Variants in COX10 observed in about 807,000 individuals in gnomAD.
The protein encoded by COX10 is protoheme IX farnesyltransferase, mitochondrial.
A neutral mutation model predicts 37.3 loss-of-function variants in COX10; 27 were observed. That is an observed-to-expected ratio of 0.72 (90% CI 0.53 to 1.00). The LOEUF (loss-of-function observed/expected upper bound fraction) is 1.00. COX10 is among the 50% of genes least tolerant of loss of function. The probability of loss-of-function intolerance (pLI) is 0.00; values close to 1 mark genes in which losing one functional copy is unlikely to be tolerated. For missense variants in COX10, 475 were observed against 563.2 expected, an observed-to-expected ratio of 0.84 and a Z score of 1.59; for synonymous variants, 222 against 229.1, an observed-to-expected ratio of 0.97 and a Z score of 0.28.
chr17:14,193,410 T>A (rs1906271786), intron 6 of COX10, among the ~76,000 whole-genome samples: 1 of 151,556 alleles, frequency 6.6e-6, no homozygotes, highest in African/African-American at 2.4e-5. Context: ...ATTTGGGATC[T>A]GTATGCTGTT....
At chr17:14,190,158 G>A (rs1906156493) in intron 5 of COX10, among the ~76,000 whole-genome samples, 1 of 152,188 alleles carries the variant, frequency 6.6e-6, no homozygotes, top group Admixed American at 6.5e-5. Context: ...TGAGAAGGCA[G>A]GAGAAGAGTT....
chr17:14,096,674 AATT>A (rs951707031), intron 3 of COX10, among the ~76,000 whole-genome samples: 4 of 152,010 alleles, frequency 2.6e-5, no homozygotes, highest in Non-Finnish European at 4.4e-5. Flanking sequence ...CTGGCAAAAA[AATT>A]TTTTTGTTTT....
In COX10 at chr17:14,170,014, A is replaced by G. The variant is rs150927598; in HGVS notation, c.695+10067A>G. ...GGTTGTCTTAAAGCAGGATGGCCTCAGGTTTTCCCATTTGTACATGTCTGC... is the reference window on the plus strand; with the variant it reads ...GGTTGTCTTAAAGCAGGATGGCCTCGGGTTTTCCCATTTGTACATGTCTGC... On this transcript the variant is annotated intron_variant, in intron 5 of 6. Coordinates refer to ENST00000261643, the MANE Select transcript of COX10 (RefSeq NM_001303.4). Among the ~76,000 whole-genome samples the G allele has an allele frequency of 7.3e-4, 111 of 152,308 alleles. 1 individual carries two copies. The East Asian group carries it at 0.02, about 28-fold the overall frequency.
At chr17:14,152,538 G>A (rs1226558799) in intron 4 of COX10, among the ~76,000 whole-genome samples, 4 of 152,298 alleles carry the variant, frequency 2.6e-5, no homozygotes, top group Middle Eastern at 3.4e-3. Context: ...ATATCAGGCT[G>A]ATGTAGGGGT....
At chr17:14,195,772 G>A (rs1906350561) in intron 6 of COX10, among the ~76,000 whole-genome samples, 1 of 152,132 alleles carries the variant, frequency 6.6e-6, no homozygotes, top group African/African-American at 2.4e-5. Context: ...GGCTGGGGTG[G>A]GGTCTGAGAA....
intron 3 of COX10, among the ~76,000 whole-genome samples, chr17:14,090,696 C>G (rs1167293253): frequency 6.6e-6 from 1 of 152,132 alleles, no homozygotes; most frequent in African/African-American, 2.4e-5. Context: ...CAGGTTAACT[C>G]CTTTTTATCC....
intron 4 of COX10, among the ~76,000 whole-genome samples, chr17:14,152,212 G>A (rs950396348): frequency 6.6e-6 from 1 of 152,148 alleles, no homozygotes; most frequent in African/African-American, 2.4e-5. Flanking sequence ...CATAACCCGC[G>A]ATTGGGCAAT....
chr17:14,082,181 G>A (rs979466728), intron 3 of COX10, among the ~76,000 whole-genome samples: 4 of 152,140 alleles, frequency 2.6e-5, no homozygotes, highest in African/African-American at 9.7e-5. Flanking sequence ...TTAAGGATTG[G>A]GTAAGGTATA....
rs1280662078 is a variant in COX10, at chr17:14,208,451, A to G, written c.*1238A>G. 6.6e-6 allele frequency: 1 copy of G among 152,208 alleles called. No individual in the cohort carries two copies. Among genetic ancestry groups the G allele is most frequent in the African/African-American group, 2.4e-5 (1 of 41,460 alleles). The allele number at this position is 152,208 out of a possible 1,614,324, so 9.4% of individuals were successfully genotyped here. ...GGTCGGGGTGGGAGAGTTAAACAAC[A>G]TTTAAACAGAGTTCTCTCAAAAATG... On this transcript the variant is annotated 3_prime_UTR_variant, in exon 7 of 7. Coordinates refer to ENST00000261643, the MANE Select transcript of COX10 (RefSeq NM_001303.4).
chr17:14,156,702 C>G (rs952577268), intron 4 of COX10, among the ~76,000 whole-genome samples: 12 of 152,206 alleles, frequency 7.9e-5, no homozygotes, highest in Non-Finnish European at 1.5e-5. Context: ...ATGCCCTTAA[C>G]CATCTAGCCC....
intron 5 of COX10, chr17:14,182,388 C>T (rs1905895232): frequency 1.1e-6 from 1 of 876,370 alleles, no homozygotes; most frequent in Non-Finnish European, 1.4e-6. Flanking sequence ...ATATTCTTCG[C>T]ATTTCTTTTA....
intron 5 of COX10, among the ~76,000 whole-genome samples, chr17:14,165,930 G>A (rs989118651): frequency 1.3e-5 from 2 of 152,204 alleles, no homozygotes; most frequent in Non-Finnish European, 2.9e-5. Context: ...TCCAAAGCAA[G>A]GCCCTAACTC....
rs2108683 is a variant in COX10 at position 14,102,069 on chromosome 17, T to C, written c.500-49T>C. 0.86 allele frequency: 1,381,566 copies of C among 1,612,564 alleles called. 592,993 individuals carry two copies. Among genetic ancestry groups the C allele is most frequent in the Admixed American group, 0.89 (53,217 of 59,956 alleles). On this transcript the variant is annotated intron_variant, in intron 3 of 6. Transcript: ENST00000261643. ...TTTTTTGTCGTTCTGGCCTTTACAG[T>C]TGGGACTCCTGTTGGTAACAGTGTG... is the stretch of plus-strand genomic sequence containing the variant.
intron 4 of COX10, among the ~76,000 whole-genome samples, chr17:14,139,492 T>G (rs1904477881): frequency 6.6e-6 from 1 of 152,126 alleles, no homozygotes; most frequent in Admixed American, 6.6e-5. Context: ...CTGACAAAAA[T>G]AAAGGTTTTA....
intron 4 of COX10, among the ~76,000 whole-genome samples, chr17:14,130,323 G>T (rs1916435696): frequency 6.6e-6 from 1 of 152,098 alleles, no homozygotes; most frequent in Non-Finnish European, 1.5e-5. Flanking sequence ...GTCTATCAAT[G>T]ATTACAAGAT....
chr17:14,144,829 A>G (rs1904661773), intron 4 of COX10, among the ~76,000 whole-genome samples: 1 of 151,918 alleles, frequency 6.6e-6, no homozygotes, highest in Non-Finnish European at 1.5e-5. Flanking sequence ...TCTCTCTCCC[A>G]AATGCTAACC....
At chr17:14,174,783 A>G (rs1184866181) in intron 5 of COX10, among the ~76,000 whole-genome samples, 1 of 151,498 alleles carries the variant, frequency 6.6e-6, no homozygotes, top group Non-Finnish European at 1.5e-5. Context: ...ATTCCTGTGT[A>G]TGTATGGACA....
intron 5 of COX10, among the ~76,000 whole-genome samples, chr17:14,184,701 C>A (rs1348348829): frequency 6.6e-6 from 1 of 152,242 alleles, no homozygotes; most frequent in Admixed American, 6.5e-5. Context: ...TGTTCTTCCA[C>A]TAGAACATGC....
intron 4 of COX10, among the ~76,000 whole-genome samples, chr17:14,140,268 C>A (rs1230649349): frequency 6.6e-6 from 1 of 152,022 alleles, no homozygotes; most frequent in Non-Finnish European, 1.5e-5. Context: ...AAACTATAGA[C>A]CTACCACTCT....
Sources: gnomAD v4.1 joint callset for allele counts (sites outside exome capture counted in the v4.1 genomes callset) on GRCh38, gnomAD v4.1.1 for gene constraint, MANE v1.5 for transcripts, NCBI Gene and HGNC (gene_info 2026-07-23, HGNC 2026-07-21) for gene names.